CYB561D2: variants seen among roughly 807,000 people sequenced by gnomAD.
The protein encoded by CYB561D2 is transmembrane reductase CYB561D2.
CYB561D2 carries 16 observed loss-of-function variants against 20.2 expected under a neutral mutation model. The observed-to-expected ratio is 0.79, with a 90% CI of 0.53 to 1.20. CYB561D2 has a LOEUF of 1.20. Ranked by LOEUF, CYB561D2 falls within the 50% of genes most tolerant of loss-of-function variation. The pLI is 0.00. For missense variants in CYB561D2, 247 were observed against 270.3 expected (o/e 0.91, Z 0.60); for synonymous variants, 135 against 128.3 (o/e 1.05, Z -0.35).
intron 2 of CYB561D2, among the ~76,000 whole-genome samples, 187 bp downstream of exon 2, chr3:50,351,747 G>A (rs1436204206): frequency 6.6e-6 from 1 of 152,214 alleles, no homozygotes; most frequent in African/African-American, 2.4e-5. Flanking sequence ...CCTTCTCTGG[G>A]TGCTCCATTT....
Position 50,352,048 on chromosome 3 carries a change from TAAG to T in CYB561D2, c.165+3_165+5del. The T allele has an allele frequency of 6.2e-7, 1 of 1,613,928 alleles. No homozygotes were observed. On this transcript the variant is annotated splice_donor_5th_base_variant and intron_variant, in intron 3 of 3. Coordinates refer to ENST00000425346, the MANE Select transcript of CYB561D2 (RefSeq NM_001291284.2). ...CACCCGGTGCTTATGTCTTTGGCTG[TAAG>T]TAGTGGGCCTGGGCAGTTCTTAGGG... is the stretch of plus-strand genomic sequence containing the variant.
intron 2 of CYB561D2, among the ~76,000 whole-genome samples, chr3:50,351,766 C>G (rs1575565483): frequency 6.6e-6 from 1 of 152,154 alleles, no homozygotes; most frequent in Non-Finnish European, 1.5e-5. Context: ...TTGGCTGCCT[C>G]TCAGGAGGTG....
chr3:50,351,330 T>A, intron 1 of CYB561D2, 79 bp from the exon 2 acceptor site: 2 of 1,468,902 alleles, frequency 1.4e-6, no homozygotes, highest in Non-Finnish European at 1.8e-6. Context: ...AGGGTGGCAT[T>A]CCTGCCTTGC....
At chr3:50,352,778 G>A (rs1489687864) in intron 3 of CYB561D2, among the ~76,000 whole-genome samples, 1 of 151,836 alleles carries the variant, frequency 6.6e-6, no homozygotes, top group Non-Finnish European at 1.5e-5. Context: ...AGCACAATGA[G>A]GCTTCACCCA....
At chr3:50,351,627 G>C in intron 2 of CYB561D2, 67 bp downstream of exon 2, 1 of 1,563,872 alleles carries the variant, frequency 6.4e-7, no homozygotes, top group Non-Finnish European at 8.7e-7. Flanking sequence ...GAAGGGCAGT[G>C]GGACTTCCGG....
In CYB561D2 at chr3:50,351,577, G is replaced by T; in HGVS notation, c.127+17G>T. On this transcript the variant is annotated intron_variant, in intron 2 of 3. Coordinates refer to ENST00000425346, the MANE Select transcript of CYB561D2 (RefSeq NM_001291284.2). ...CTGGCTCCAGTAAGTAGAATTCATA[G>T]CTGACTTCTGGGAAGGGAAGGGCCA... 1 of 1,606,314 alleles carries T rather than the reference G, an allele frequency of 6.2e-7. No homozygotes were observed. The highest frequency in any genetic ancestry group is 2.2e-5 in the East Asian group (1 of 44,654).
At chr3:50,351,175 C>T (rs1703749373) in intron 1 of CYB561D2, 191 bp downstream of exon 1, 2 of 528,388 alleles carry the variant, frequency 3.8e-6, no homozygotes, top group African/African-American at 3.9e-5. Flanking sequence ...TGGCTTTGCG[C>T]CTCCTACCTG....
At chr3:50,351,628 G>A (rs1265117894) in intron 2 of CYB561D2, 68 bp downstream of exon 2, 2 of 1,565,004 alleles carry the variant, frequency 1.3e-6, no homozygotes, top group Admixed American at 1.8e-5. Flanking sequence ...AAGGGCAGTG[G>A]GACTTCCGGG....
chr3:50,353,876 T>C lies in CYB561D2; in HGVS notation c.*132T>C, dbSNP rs1703827405. 9.4e-7 allele frequency: 1 copy of C among 1,061,392 alleles called. No individual in the cohort carries two copies. The highest frequency in any genetic ancestry group is 1.6e-5 in the African/African-American group (1 of 63,050). The allele number at this position is 1,061,392 out of a possible 1,614,324, so 65.7% of individuals were successfully genotyped here. On this transcript the variant is annotated 3_prime_UTR_variant, in exon 4 of 4. Coordinates refer to ENST00000425346, the MANE Select transcript of CYB561D2 (RefSeq NM_001291284.2). ...GGACAGTTGGGCATTTGGAGGCCCG[T>C]GTGTGAATTCCTGCTCCTCATGCTG...
chr3:50,353,191 T>A, intron 3 of CYB561D2, 50 bp from the exon 4 acceptor site: 1 of 1,517,030 alleles, frequency 6.6e-7, no homozygotes, highest in Non-Finnish European at 8.8e-7. Context: ...CCTCTTCTCC[T>A]CTTCTGGGGC....
chr3:50,353,637 A>C lies in CYB561D2; in HGVS notation c.562A>C (p.Thr188Pro). 1 of 1,613,662 alleles carries C rather than the reference A, an allele frequency of 6.2e-7. No homozygotes were observed. Among genetic ancestry groups the C allele is most frequent in the Non-Finnish European group, 8.5e-7 (1 of 1,180,020 alleles). The part of the protein sequence containing the change: ...MCSLWFTASV[T>P]GAAWYLAVLC... ...CTCACTCTGGTTCACTGCCTCTGTC[A>C]CTGGTGCAGCCTGGTACCTGGCTGT... is the stretch of plus-strand genomic sequence containing the variant. The change falls in exon 4 of 4, where the codon ACT becomes CCT. Residue 188 changes from threonine (T) to proline (P), a missense_variant. Transcript: ENST00000425346.
Position 50,353,726 on chromosome 3 carries a change from C to T in CYB561D2, c.651C>T (p.Arg217=). The change falls in exon 4 of 4, where the codon CGC becomes CGT. Residue 217 remains arginine (R), a synonymous_variant. Coordinates refer to ENST00000425346, the MANE Select transcript of CYB561D2 (RefSeq NM_001291284.2). ...MNQVSNAYLY[R]KRIQP ...AGGTGAGCAATGCCTACCTATACCG[C>T]AAGAGGATCCAACCATGAGCTCTTC... The T allele has an allele frequency of 1.2e-6, 2 of 1,601,064 alleles. No homozygotes were observed. The highest frequency in any genetic ancestry group is 1.7e-6 in the Non-Finnish European group (2 of 1,171,900).
chr3:50,351,948 G>C, intron 2 of CYB561D2, 61 bp from the exon 3 acceptor site: 1 of 1,600,512 alleles, frequency 6.2e-7, no homozygotes, highest in South Asian at 1.1e-5. Context: ...CAACCCTTAA[G>C]GATTGGTATG....
At chr3:50,351,753 C>T (rs1012197173) in intron 2 of CYB561D2, among the ~76,000 whole-genome samples, 193 bp downstream of exon 2, 2 of 152,188 alleles carry the variant, frequency 1.3e-5, no homozygotes, top group Non-Finnish European at 2.9e-5. Context: ...CTGGGTGCTC[C>T]ATTTGGCTGC....
rs1703812567 is a variant in CYB561D2 at position 50,353,236 on chromosome 3, C to G, written c.166-5C>G. 1.3e-6 allele frequency: 2 copies of G among 1,548,306 alleles called. No individual in the cohort carries two copies. Among genetic ancestry groups the G allele is most frequent in the African/African-American group, 1.4e-5 (1 of 73,388 alleles). On this transcript the variant is annotated splice_region_variant and splice_polypyrimidine_tract_variant and intron_variant, in intron 3 of 3. Transcript: ENST00000425346. ...ACTTGAGCTTCCCATCCCCTGTTTC[C>G]TCAGTTCTCCTTCCTGATGACCGAG...
At chr3:50,351,126 G>A (rs934982447) in intron 1 of CYB561D2, 142 bp downstream of exon 1, 1 of 447,010 alleles carries the variant, frequency 2.2e-6, no homozygotes, top group African/African-American at 2.0e-5. Flanking sequence ...CTCTACTGCC[G>A]GCGACGGCGT....
chr3:50,351,122 T>C, intron 1 of CYB561D2, 138 bp downstream of exon 1: 1 of 447,326 alleles, frequency 2.2e-6, no homozygotes. Flanking sequence ...CTGGCTCTAC[T>C]GCCGGCGACG....
At chr3:50,351,931 T>C (rs1703774624) in intron 2 of CYB561D2, 78 bp from the exon 3 acceptor site, 1 of 1,561,388 alleles carries the variant, frequency 6.4e-7, no homozygotes, top group African/African-American at 1.4e-5. Flanking sequence ...GGGCTGCTGG[T>C]ATTCCTCAAC....
At position 50,350,939 on chromosome 3, in the gene CYB561D2, C is replaced by T; in HGVS notation, c.-71C>T. ...GGCAGGGCCCGGAGTATCCCGCTTTCTTTGGAGGAAACCACCGCATCAGAT... is the reference window on the plus strand; with the variant it reads ...GGCAGGGCCCGGAGTATCCCGCTTTTTTTGGAGGAAACCACCGCATCAGAT... On this transcript the variant is annotated 5_prime_UTR_variant, in exon 1 of 4. Coordinates refer to ENST00000425346, the MANE Select transcript of CYB561D2 (RefSeq NM_001291284.2). The surrounding 1 kb of genome is among the most constrained non-coding windows in gnomAD (Gnocchi z 5.7). 2.9e-6 allele frequency: 4 copies of T among 1,360,462 alleles called. No homozygotes were observed. Among genetic ancestry groups the T allele is most frequent in the Non-Finnish European group, 3.8e-6 (4 of 1,055,850 alleles). 84.3% of individuals were successfully genotyped at this position (1,360,462 alleles called of 1,614,324 possible). A position where few individuals can be genotyped will look rare whatever the true frequency, so the allele number is the denominator to read the frequency against.
Sources: allele counts gnomAD v4.1 joint callset (sites outside exome capture counted in the v4.1 genomes callset), GRCh38; gene constraint gnomAD v4.1.1; non-coding constraint Gnocchi (gnomAD v3.1); transcripts MANE v1.5; gene names NCBI Gene and HGNC (gene_info 2026-07-23, HGNC 2026-07-21).